Variants in DOK5 observed in about 807,000 individuals in gnomAD.
DOK5 encodes downstream of tyrosine kinase 5.
In DOK5, 27 loss-of-function variants were observed where a neutral mutation model predicts 43.3. The observed-to-expected ratio is 0.62, with a 90% confidence interval of 0.46 to 0.86. The LOEUF (loss-of-function observed/expected upper bound fraction) is 0.86, where lower values mean the gene tolerates loss of function less well. DOK5 is among the 40% of genes least tolerant of loss of function. DOK5 has a pLI of 0.00. For missense variants in DOK5, 373 were observed against 392.9 expected (o/e 0.95, Z 0.43); for synonymous variants, 146 against 140.1 (o/e 1.04, Z -0.30).
intron 1 of DOK5, among the ~76,000 whole-genome samples, chr20:54,478,164 T>C (rs1981510851): frequency 6.6e-6 from 1 of 152,234 alleles, no homozygotes; most frequent in Non-Finnish European, 1.5e-5. Context: ...TTTGTTAGCA[T>C]TGGTTTTCTC....
chr20:54,624,676 G>A (rs2146809431), intron 6 of DOK5, among the ~76,000 whole-genome samples: 1 of 152,234 alleles, frequency 6.6e-6, no homozygotes, highest in African/African-American at 2.4e-5. Flanking sequence ...TTTTTAGTAA[G>A]GAGGCAGAAA....
chr20:54,625,818 C>T (rs1348862600), intron 6 of DOK5, among the ~76,000 whole-genome samples: 2 of 152,122 alleles, frequency 1.3e-5, no homozygotes, highest in Non-Finnish European at 2.9e-5. Context: ...ATAGGGAATC[C>T]CCATTCACAC....
At chr20:54,553,522 T>C (rs1984601991) in intron 1 of DOK5, among the ~76,000 whole-genome samples, 1 of 151,878 alleles carries the variant, frequency 6.6e-6, no homozygotes, top group Non-Finnish European at 1.5e-5. Context: ...AGGTTATTTA[T>C]TGTCAAGCGA....
At chr20:54,543,567 G>A (rs962219960) in intron 1 of DOK5, among the ~76,000 whole-genome samples, 14 of 151,126 alleles carry the variant, frequency 9.3e-5, no homozygotes, top group African/African-American at 2.4e-5. Flanking sequence ...GTGTGTGTGT[G>A]TGTATGTGTG....
intron 2 of DOK5, among the ~76,000 whole-genome samples, chr20:54,579,063 A>G (rs1985547238): frequency 6.6e-6 from 1 of 152,228 alleles, no homozygotes; most frequent in South Asian, 2.1e-4. Context: ...TCATAGCAGT[A>G]GTATTAGATT....
chr20:54,616,992 T>A (rs6068916), intron 6 of DOK5, among the ~76,000 whole-genome samples: 4 of 151,814 alleles, frequency 2.6e-5, no homozygotes, highest in Admixed American at 6.6e-5. Context: ...GGGTTTCACC[T>A]TGTTAGCCAG....
At chr20:54,509,694 C>T (rs1369182358) in intron 1 of DOK5, among the ~76,000 whole-genome samples, 1 of 152,160 alleles carries the variant, frequency 6.6e-6, no homozygotes, top group Non-Finnish European at 1.5e-5. Flanking sequence ...AGAATTTTCT[C>T]CTTTCTCTCC....
At chr20:54,586,548 A>AAAAAC (rs1985809801) in intron 2 of DOK5, among the ~76,000 whole-genome samples, 1 of 152,342 alleles carries the variant, frequency 6.6e-6, no homozygotes, top group African/African-American at 2.4e-5. Flanking sequence ...TGAGCAGAGC[A>AAAAAC]AAAACAAAAC....
chr20:54,492,524 C>T (rs528046418), intron 1 of DOK5, among the ~76,000 whole-genome samples: 13 of 152,142 alleles, frequency 8.5e-5, no homozygotes, highest in Non-Finnish European at 1.6e-4. Context: ...CTTGGGTATA[C>T]ACTCACGCAT....
intron 1 of DOK5, among the ~76,000 whole-genome samples, chr20:54,540,345 A>G (rs1984109026): frequency 6.6e-6 from 1 of 152,130 alleles, no homozygotes; most frequent in South Asian, 2.1e-4. Context: ...ATTGCTTGGG[A>G]CAGTGTCTGT....
intron 2 of DOK5, among the ~76,000 whole-genome samples, chr20:54,572,052 C>G (rs529259524): frequency 6.6e-6 from 1 of 151,896 alleles, no homozygotes; most frequent in Admixed American, 6.6e-5. Context: ...ACCTTTTTCT[C>G]TATATTCATT....
chr20:54,631,807 A>G (rs1440820888), intron 6 of DOK5, among the ~76,000 whole-genome samples: 1 of 152,126 alleles, frequency 6.6e-6, no homozygotes, highest in African/African-American at 2.4e-5. Context: ...CCCCGCCTGT[A>G]GTAAAAATAC....
chr20:54,593,966 A>C (rs1986056253), intron 5 of DOK5, among the ~76,000 whole-genome samples: 1 of 152,132 alleles, frequency 6.6e-6, no homozygotes, highest in South Asian at 2.1e-4. Flanking sequence ...GATACATAGA[A>C]GGGAACAACA....
At chr20:54,581,770 TCTAA>T (rs1420151463) in intron 2 of DOK5, among the ~76,000 whole-genome samples, 1 of 152,004 alleles carries the variant, frequency 6.6e-6, no homozygotes, top group Non-Finnish European at 1.5e-5. Context: ...GTTTATTTGT[TCTAA>T]CTTTTTTTGT....
intron 6 of DOK5, among the ~76,000 whole-genome samples, chr20:54,640,784 GTTAAA>G (rs1252258169): frequency 2.0e-5 from 3 of 152,256 alleles, no homozygotes; most frequent in East Asian, 3.9e-4. Context: ...GAAATTTTCT[GTTAAA>G]TTAAATAGAA....
At chr20:54,579,923 C>A (rs2146757215) in intron 2 of DOK5, among the ~76,000 whole-genome samples, 1 of 152,200 alleles carries the variant, frequency 6.6e-6, no homozygotes, top group African/African-American at 2.4e-5. Flanking sequence ...AATGCTATCC[C>A]TCCCCTAGCC....
chr20:54,495,932 C>G (rs773826359), intron 1 of DOK5, among the ~76,000 whole-genome samples: 1 of 152,094 alleles, frequency 6.6e-6, no homozygotes, highest in Non-Finnish European at 1.5e-5. Context: ...TCTGGGGTAC[C>G]TCTAAGTGAG....
intron 1 of DOK5, among the ~76,000 whole-genome samples, chr20:54,485,139 G>A (rs936666904): frequency 6.6e-6 from 1 of 152,170 alleles, no homozygotes; most frequent in Admixed American, 6.5e-5. Flanking sequence ...TGACCAGCCT[G>A]ATCAACATGG....
intron 5 of DOK5, among the ~76,000 whole-genome samples, chr20:54,592,493 T>A (rs190518559): frequency 6.6e-6 from 1 of 152,254 alleles, no homozygotes. Context: ...TTCCTTGTCC[T>A]TCAGTTTTCC....
Sources: allele counts gnomAD v4.1 joint callset (sites outside exome capture counted in the v4.1 genomes callset), GRCh38; gene constraint gnomAD v4.1.1; transcripts MANE v1.5; gene names NCBI Gene and HGNC (gene_info 2026-07-23, HGNC 2026-07-21).